The following MTUS2 variants were observed in gnomAD, a reference collection of about 807,000 sequenced individuals.
MTUS2 encodes the protein microtubule associated scaffold protein 2.
Under a neutral mutation model 114.1 loss-of-function variants are expected in MTUS2, and 40 were observed. The observed-to-expected ratio is 0.35, with a 90% CI of 0.27 to 0.46. MTUS2 has a LOEUF of 0.46. Among genes scored for constraint, MTUS2 ranks in the 20% least tolerant of loss-of-function variants. The pLI is 1.00. For missense variants in MTUS2, 1,679 were observed against 1,705.4 expected, an observed-to-expected ratio of 0.98 and a Z score of 0.27; for synonymous variants, 688 against 672.0, an observed-to-expected ratio of 1.02 and a Z score of -0.37.
chr13:29,239,971 C>G (rs5802514), intron 5 of MTUS2: 1 of 148,048 alleles, frequency 6.8e-6, no homozygotes, highest in Admixed American at 6.7e-5. Flanking sequence ...GGAAAAAAAA[C>G]AACAACCCAG....
At chr13:28,943,467 A>G (rs753995165) in intron 2 of MTUS2, among the ~76,000 whole-genome samples, 4 of 152,192 alleles carry the variant, frequency 2.6e-5, no homozygotes, top group Non-Finnish European at 5.9e-5. Context: ...CTGCATTTCA[A>G]GTGCTGAGTT....
At chr13:29,083,234 C>G (rs987108549) in intron 4 of MTUS2, among the ~76,000 whole-genome samples, 2 of 152,182 alleles carry the variant, frequency 1.3e-5, no homozygotes, top group Admixed American at 1.3e-4. Context: ...CTTCTGTGAA[C>G]TCCTTGGTGA....
intron 8 of MTUS2, among the ~76,000 whole-genome samples, chr13:29,401,028 C>T (rs1874298281): frequency 6.6e-6 from 1 of 152,164 alleles, no homozygotes; most frequent in Admixed American, 6.5e-5. Context: ...TGCTCTGTCA[C>T]CCAGGCTGGA....
At chr13:28,990,475 T>A (rs892768993) in intron 2 of MTUS2, among the ~76,000 whole-genome samples, 6 of 152,066 alleles carry the variant, frequency 3.9e-5, no homozygotes, top group African/African-American at 1.5e-4. Context: ...ATCATCAGTC[T>A]GTGTCTAAAG....
At chr13:29,017,484 C>G (rs185901700) in intron 2 of MTUS2, among the ~76,000 whole-genome samples, 4 of 152,308 alleles carry the variant, frequency 2.6e-5, no homozygotes, top group South Asian at 2.1e-4. Context: ...CTCAATCTTT[C>G]GAAACCCATG....
At position 28,839,822 on chromosome 13, in the gene MTUS2, G is replaced by A. The variant is rs988111778; in HGVS notation, c.-271G>A. The A allele has an allele frequency of 4.6e-5, 7 of 152,098 alleles. No individual in the cohort carries two copies. Among genetic ancestry groups the A allele is most frequent in the African/African-American group, 1.2e-4 (5 of 41,414 alleles). The allele number at this position is 152,098 out of a possible 1,614,324, so 9.4% of individuals were successfully genotyped here. ...TTACTAGGGCCAATTGTCACCAATG[G>A]CAGTAAAACTCATTTTCTGGGGAAT... On this transcript the variant is annotated 5_prime_UTR_variant, in exon 2 of 16. An upstream open reading frame in the 5' UTR gains an earlier in-frame stop. Coordinates refer to ENST00000612955, the MANE Select transcript of MTUS2 (RefSeq NM_001033602.4).
chr13:29,258,590 T>C (rs909179099), intron 5 of MTUS2, among the ~76,000 whole-genome samples: 4 of 152,236 alleles, frequency 2.6e-5, no homozygotes, highest in Non-Finnish European at 2.9e-5. Flanking sequence ...CTTGATTACA[T>C]GTATGTTCAG....
At chr13:29,348,914 C>A (rs1475947178) in intron 7 of MTUS2, among the ~76,000 whole-genome samples, 3 of 152,056 alleles carry the variant, frequency 2.0e-5, no homozygotes, top group Non-Finnish European at 4.4e-5. Context: ...CCATACTAAC[C>A]TTTTCATCTA....
chr13:29,282,739 AT>A (rs1164331002), intron 6 of MTUS2, among the ~76,000 whole-genome samples: 85 of 152,298 alleles, frequency 5.6e-4, no homozygotes, highest in African/African-American at 1.7e-3. Context: ...TCAATGTATC[AT>A]CATATCAATG....
At chr13:29,023,481 G>A (rs1195345803) in intron 2 of MTUS2, among the ~76,000 whole-genome samples, 2 of 151,974 alleles carry the variant, frequency 1.3e-5, no homozygotes, top group Non-Finnish European at 1.5e-5. Context: ...ATACATACAC[G>A]TTTTTCTTGG....
intron 4 of MTUS2, among the ~76,000 whole-genome samples, chr13:29,089,688 CG>C (rs1397581590): frequency 1.3e-5 from 2 of 152,144 alleles, no homozygotes; most frequent in African/African-American, 4.8e-5. Flanking sequence ...TTCAAAGGAG[CG>C]GTGTTCAAGC....
rs149201364 is a variant in MTUS2, at chr13:29,268,665, G to C, written c.2645-13039G>C. ...CAACATCTACCCCACACTCTGCTTT[G>C]TTTTTTTTCATGGCATTTTGCACTG... is the stretch of plus-strand genomic sequence containing the variant. On this transcript the variant is annotated intron_variant, in intron 5 of 15. Coordinates refer to ENST00000612955, the MANE Select transcript of MTUS2 (RefSeq NM_001033602.4). Among the ~76,000 whole-genome samples the C allele has an allele frequency of 2.7e-3, 410 of 151,838 alleles. 5 individuals are homozygous for C. The highest frequency in any genetic ancestry group is 9.3e-3 in the African/African-American group (383 of 41,390).
chr13:29,376,786 T>C (rs1439280835), intron 8 of MTUS2, among the ~76,000 whole-genome samples: 1 of 152,152 alleles, frequency 6.6e-6, no homozygotes, highest in Non-Finnish European at 1.5e-5. Context: ...TTGCCAACGT[T>C]ATCTAAACAA....
chr13:28,885,089 A>C (rs974478572), intron 2 of MTUS2, among the ~76,000 whole-genome samples: 1 of 152,136 alleles, frequency 6.6e-6, no homozygotes, highest in Non-Finnish European at 1.5e-5. Context: ...TAAATAAATA[A>C]ATTTCTGAAT....
chr13:28,954,125 T>A (rs776209502), intron 2 of MTUS2, among the ~76,000 whole-genome samples: 10 of 152,208 alleles, frequency 6.6e-5, no homozygotes, highest in Admixed American at 1.3e-4. Context: ...TTTAAAAATT[T>A]CAGGGGAAAA....
intron 5 of MTUS2, among the ~76,000 whole-genome samples, chr13:29,264,224 T>G (rs34868050): frequency 0.013 from 1,984 of 152,322 alleles, 27 homozygotes; most frequent in East Asian, 0.08. Context: ...CTCCTTTGAC[T>G]CCATGTCCCA....
chr13:29,421,981 G>A (rs2138597157), intron 8 of MTUS2, among the ~76,000 whole-genome samples: 1 of 152,314 alleles, frequency 6.6e-6, no homozygotes, highest in South Asian at 2.1e-4. Context: ...TCAGTTTTTA[G>A]GTTGTTTGTA....
intron 5 of MTUS2, among the ~76,000 whole-genome samples, chr13:29,162,599 A>C (rs1893145959): frequency 1.3e-5 from 2 of 152,350 alleles, no homozygotes; most frequent in East Asian, 3.9e-4. Flanking sequence ...TGATCAGTTA[A>C]AACAGAGACC....
chr13:29,234,187 A>T (rs1249643192), intron 5 of MTUS2, among the ~76,000 whole-genome samples: 1 of 152,068 alleles, frequency 6.6e-6, no homozygotes, highest in African/African-American at 2.4e-5. Flanking sequence ...ATTGATTTCG[A>T]TTTTTCACTT....
Sources: gnomAD v4.1 joint callset for allele counts (sites outside exome capture counted in the v4.1 genomes callset) on GRCh38, gnomAD v4.1.1 for gene constraint, MANE v1.5 for transcripts, NCBI Gene and HGNC (gene_info 2026-07-23, HGNC 2026-07-21) for gene names.